SMAD2: variants seen among roughly 807,000 people sequenced by gnomAD.
SMAD2 encodes SMAD family member 2, also known as MAD homolog 2.
Under a neutral mutation model 64.4 loss-of-function variants are expected in SMAD2, and 8 were observed. The ratio of observed to expected loss-of-function variants is 0.12; its 90% CI spans 0.07 to 0.22. The LOEUF (loss-of-function observed/expected upper bound fraction) is 0.22. SMAD2 is among the 10% of genes least tolerant of loss of function. SMAD2 has a pLI of 1.00. For missense variants in SMAD2, 289 were observed against 561.2 expected, an observed-to-expected ratio of 0.51 and a Z score of 4.90; for synonymous variants, 203 against 195.8, an observed-to-expected ratio of 1.04 and a Z score of -0.31.
intron 1 of SMAD2, among the ~76,000 whole-genome samples, chr18:47,898,443 CATTTT>C: frequency 1.3e-5 from 2 of 152,184 alleles, no homozygotes; most frequent in South Asian, 4.1e-4. Context: ...CTGGATAAAA[CATTTT>C]TAAAGGAAAA....
chr18:47,828,149 A>C lies in SMAD2; in HGVS notation c.*13678T>G, dbSNP rs1191716240. On this transcript the variant is annotated 3_prime_UTR_variant, in exon 11 of 11. Coordinates refer to ENST00000262160, the MANE Select transcript of SMAD2 (RefSeq NM_005901.6). ...CGGCCGCCCCGTCTGAGAAGTGAGG[A>C]GCCCCTCCGCCCAGCAACCACCCCG... The C allele has an allele frequency of 6.5e-6, 1 of 153,272 alleles. No individual in the cohort carries two copies. Among genetic ancestry groups the C allele is most frequent in the Non-Finnish European group, 1.4e-5 (1 of 73,250 alleles). The allele number at this position is 153,272 out of a possible 1,614,324, so 9.5% of individuals were successfully genotyped here.
At chr18:47,866,689 C>G (rs2031586495) in intron 5 of SMAD2, 1 of 151,986 alleles carries the variant, frequency 6.6e-6, no homozygotes. Flanking sequence ...AATAATAAAG[C>G]TATTAGCATT....
chr18:47,907,524 C>T (rs2033952247), intron 1 of SMAD2, among the ~76,000 whole-genome samples: 1 of 152,204 alleles, frequency 6.6e-6, no homozygotes, highest in African/African-American at 2.4e-5. Context: ...TGGACAGAAG[C>T]ACAAAGTACC....
Position 47,850,689 on chromosome 18 carries a change from G to A in SMAD2, c.784+585C>T, listed in dbSNP as rs1234961424. On this transcript the variant is annotated intron_variant, in intron 7 of 10. Coordinates refer to ENST00000262160, the MANE Select transcript of SMAD2 (RefSeq NM_005901.6). Reference sequence around the variant, plus strand: ...ACTATATATATATTATATATATAATGTATAATATATATTATATACTATATA... The same window carrying A: ...ACTATATATATATTATATATATAATATATAATATATATTATATACTATATA... Among the ~76,000 whole-genome samples the A allele has an allele frequency of 7.5e-4, 17 of 22,720 alleles. 1 individual carries two copies. The highest frequency in any genetic ancestry group is 1.9e-3 in the Admixed American group (2 of 1,034). The allele number at this position is 22,720 out of a possible 152,430, so 14.9% of individuals were successfully genotyped here. A position where few individuals can be genotyped will look rare whatever the true frequency, so the allele number is the denominator to read the frequency against.
intron 5 of SMAD2, among the ~76,000 whole-genome samples, chr18:47,865,500 TTAATC>T (rs2031491022): frequency 6.6e-6 from 1 of 152,202 alleles, no homozygotes; most frequent in Admixed American, 6.5e-5. Flanking sequence ...TTGTTGTTGT[TTAATC>T]TAATGAACAT....
At chr18:47,875,860 G>C (rs925637026) in intron 2 of SMAD2, among the ~76,000 whole-genome samples, 2 of 152,062 alleles carry the variant, frequency 1.3e-5, no homozygotes, top group African/African-American at 2.4e-5. Context: ...TGTAAAAATA[G>C]TATCCATCAC....
chr18:47,862,147 T>C (rs983528576), intron 6 of SMAD2, among the ~76,000 whole-genome samples: 4 of 152,218 alleles, frequency 2.6e-5, no homozygotes, highest in Non-Finnish European at 5.9e-5. Flanking sequence ...TTCTATTTAT[T>C]TAATCTCATC....
At chr18:47,844,370 TAAGC>T (rs1241222979) in intron 10 of SMAD2, among the ~76,000 whole-genome samples, 1 of 152,182 alleles carries the variant, frequency 6.6e-6, no homozygotes, top group Non-Finnish European at 1.5e-5. Context: ...GAATATTTCT[TAAGC>T]AGGCATATGG....
chr18:47,899,875 G>C (rs1284050711), intron 1 of SMAD2, among the ~76,000 whole-genome samples: 4 of 152,104 alleles, frequency 2.6e-5, no homozygotes, highest in African/African-American at 9.7e-5. Context: ...TTTGCAAAAA[G>C]TAACAGTAAA....
intron 1 of SMAD2, among the ~76,000 whole-genome samples, chr18:47,916,432 T>G (rs1170601872): frequency 6.6e-6 from 1 of 152,112 alleles, no homozygotes; most frequent in Non-Finnish European, 1.5e-5. Flanking sequence ...TTTGTTTTGT[T>G]TTGAGACAGA....
intron 1 of SMAD2, among the ~76,000 whole-genome samples, chr18:47,908,357 T>C (rs2144507825): frequency 6.6e-6 from 1 of 152,316 alleles, no homozygotes; most frequent in Admixed American, 6.5e-5. Flanking sequence ...AACATGGGTT[T>C]AAACTGTATA....
rs1459845747 is a variant in SMAD2, at chr18:47,822,332, T to C, written c.*19495A>G. The C allele has an allele frequency of 6.6e-6, 1 of 152,226 alleles. No homozygotes were observed. 9.4% of individuals were successfully genotyped at this position (152,226 alleles called of 1,614,324 possible). ...CTAAAAGCATTTGCAATCAGATTCA[T>C]GGAAAAGATGCTAACACACTTTTAA... On this transcript the variant is annotated 3_prime_UTR_variant, in exon 11 of 11. Coordinates refer to ENST00000262160, the MANE Select transcript of SMAD2 (RefSeq NM_005901.6).
Position 47,833,568 on chromosome 18 carries a change from G to A in SMAD2, c.*8259C>T. On this transcript the variant is annotated 3_prime_UTR_variant, in exon 11 of 11. Coordinates refer to ENST00000262160, the MANE Select transcript of SMAD2 (RefSeq NM_005901.6). ...TGCATCCATCATATTGCATTACAAA[G>A]TTAATGCCATCAGAGAAAAAAAATC... 1 of 230,654 alleles carries A rather than the reference G, an allele frequency of 4.3e-6. No homozygotes were observed. The highest frequency in any genetic ancestry group is 2.2e-5 in the African/African-American group (1 of 45,326). The allele number at this position is 230,654 out of a possible 1,614,324, so 14.3% of individuals were successfully genotyped here.
chr18:47,876,864 G>C (rs892989990), intron 2 of SMAD2, among the ~76,000 whole-genome samples: 8 of 152,032 alleles, frequency 5.3e-5, no homozygotes, highest in Admixed American at 5.2e-4. Context: ...CAATTATCCA[G>C]ATATTATGTT....
At position 47,818,874 on chromosome 18, in the gene SMAD2, CAG is replaced by C. The variant is rs1352707573; in HGVS notation, c.*22951_*22952del. The C allele has an allele frequency of 6.6e-6, 1 of 152,182 alleles. No individual in the cohort carries two copies. The highest frequency in any genetic ancestry group is 2.4e-5 in the African/African-American group (1 of 41,440). 9.4% of individuals were successfully genotyped at this position (152,182 alleles called of 1,614,324 possible). A position where few individuals can be genotyped will look rare whatever the true frequency, so the allele number is the denominator to read the frequency against. On this transcript the variant is annotated 3_prime_UTR_variant, in exon 11 of 11. Transcript: ENST00000262160. ...CCCAGCTGAGCAGGTCCCACTTTCT[CAG>C]AAATATAATTTGAATCCAATAACTG...
intron 6 of SMAD2, among the ~76,000 whole-genome samples, chr18:47,854,664 A>C (rs192490914): frequency 1.3e-3 from 193 of 152,212 alleles, no homozygotes; most frequent in Admixed American, 2.2e-3. Flanking sequence ...AAAATCTGTT[A>C]TATCTTTTAA....
intron 1 of SMAD2, among the ~76,000 whole-genome samples, chr18:47,918,547 T>A (rs752505528): frequency 6.6e-6 from 1 of 152,218 alleles, no homozygotes; most frequent in Non-Finnish European, 1.5e-5. Flanking sequence ...CCCCACTTCT[T>A]AAGAATTACT....
chr18:47,909,410 A>G (rs1476087843), intron 1 of SMAD2, among the ~76,000 whole-genome samples: 1 of 152,220 alleles, frequency 6.6e-6, no homozygotes, highest in South Asian at 2.1e-4. Flanking sequence ...TAGATGAGTT[A>G]GTTCCTAGGC....
chr18:47,925,191 T>C (rs1368070163), intron 1 of SMAD2, among the ~76,000 whole-genome samples: 1 of 152,226 alleles, frequency 6.6e-6, no homozygotes, highest in African/African-American at 2.4e-5. Context: ...CTCTACAGCC[T>C]TGAGGCCAAT....
Sources: gnomAD v4.1 joint callset for allele counts (sites outside exome capture counted in the v4.1 genomes callset) on GRCh38, gnomAD v4.1.1 for gene constraint, MANE v1.5 for transcripts, NCBI Gene and HGNC (gene_info 2026-07-23, HGNC 2026-07-21) for gene names.